SMCHD1: variants seen among roughly 807,000 people sequenced by gnomAD.
SMCHD1 encodes the protein structural maintenance of chromosomes flexible hinge domain-containing protein 1.
SMCHD1 carries 78 observed loss-of-function variants against 254.7 expected under a neutral mutation model. The ratio of observed to expected loss-of-function variants is 0.31; its 90% CI spans 0.26 to 0.37. The LOEUF is 0.37. Among genes scored for constraint, SMCHD1 ranks in the 10% least tolerant of loss-of-function variants. The pLI, the probability that SMCHD1 is intolerant of heterozygous loss-of-function variation, is 1.00. For synonymous variants in SMCHD1, 766 were observed against 794.9 expected (o/e 0.96, Z 0.61); for missense variants, 1,840 against 2,408.1 (o/e 0.76, Z 4.94).
chr18:2,786,497 G>T (rs988861472), intron 45 of SMCHD1, among the ~76,000 whole-genome samples: 1 of 151,974 alleles, frequency 6.6e-6, no homozygotes. Flanking sequence ...TTCAAGACTA[G>T]CCCGGCCAAC....
chr18:2,739,582 TG>T, intron 27 of SMCHD1, 62 bp downstream of exon 27: 1 of 1,340,272 alleles, frequency 7.5e-7, no homozygotes, highest in Non-Finnish European at 1.1e-6. Context: ...TTTCCTTCCA[TG>T]GATGTTTTAG....
intron 34 of SMCHD1, among the ~76,000 whole-genome samples, chr18:2,756,952 T>G (rs2075692995): frequency 6.6e-6 from 1 of 152,216 alleles, no homozygotes; most frequent in South Asian, 2.1e-4. Flanking sequence ...TTTCAATTTT[T>G]TAGATCTTTT....
intron 1 of SMCHD1, among the ~76,000 whole-genome samples, chr18:2,663,815 C>G (rs548743856): frequency 4.6e-5 from 7 of 151,842 alleles, no homozygotes; most frequent in Non-Finnish European, 1.0e-4. Flanking sequence ...CCCGGGTTCA[C>G]GCCATTCTCC....
chr18:2,716,783 C>T (rs1331742853), intron 17 of SMCHD1, among the ~76,000 whole-genome samples: 1 of 152,188 alleles, frequency 6.6e-6, no homozygotes, highest in Non-Finnish European at 1.5e-5. Flanking sequence ...TGGTTGGATT[C>T]CCTCCTACCA....
chr18:2,664,907 A>C (rs902324117), intron 1 of SMCHD1, among the ~76,000 whole-genome samples: 27 of 152,152 alleles, frequency 1.8e-4, no homozygotes, highest in African/African-American at 6.0e-4. Flanking sequence ...CTTTCCCTTT[A>C]ATTTGTCAGT....
intron 37 of SMCHD1, among the ~76,000 whole-genome samples, chr18:2,765,359 T>A (rs1407054961): frequency 1.3e-5 from 2 of 152,234 alleles, no homozygotes; most frequent in African/African-American, 4.8e-5. Context: ...ACAGTACTAA[T>A]AGATATGAAA....
chr18:2,787,974 C>T (rs571771414), intron 45 of SMCHD1, among the ~76,000 whole-genome samples: 16 of 152,176 alleles, frequency 1.1e-4, no homozygotes, highest in African/African-American at 3.9e-4. Context: ...ATACCTTCAC[C>T]CTAAAGTTTT....
chr18:2,768,513 A>G (rs916251730), intron 37 of SMCHD1, among the ~76,000 whole-genome samples: 1 of 151,932 alleles, frequency 6.6e-6, no homozygotes, highest in African/African-American at 2.4e-5. Flanking sequence ...TTGCAGAGAA[A>G]CATTTGGAGA....
intron 8 of SMCHD1, 39 bp from the exon 9 acceptor site, chr18:2,696,993 T>G (rs1338219487): frequency 3.3e-6 from 3 of 910,158 alleles, no homozygotes; most frequent in Non-Finnish European, 3.3e-6. Flanking sequence ...TATAATTTTA[T>G]GTGAATTAAA....
intron 13 of SMCHD1, 135 bp downstream of exon 13, chr18:2,704,021 C>T: frequency 1.6e-6 from 1 of 623,368 alleles, no homozygotes; most frequent in Non-Finnish European, 2.6e-6. Context: ...TCATGAAGAA[C>T]ATTTATTCAG....
At chr18:2,784,982 G>C in intron 45 of SMCHD1, 1 of 357,170 alleles carries the variant, frequency 2.8e-6, no homozygotes, top group Non-Finnish European at 5.3e-6. Context: ...TGTCATTATT[G>C]AATAAGTCAG....
Position 2,750,060 on chromosome 18 carries a change from A to C in SMCHD1, c.3945A>C (p.Gln1315His). Residue 1315 changes from glutamine (Q) to histidine (H), a missense_variant, in exon 31 of 48, where the codon CAA (glutamine) becomes CAC (histidine). Physicochemically the swap from Gln to His is conservative, Grantham distance 24. Coordinates refer to ENST00000320876, the MANE Select transcript of SMCHD1 (RefSeq NM_015295.3). The part of the protein sequence containing the change: ...ASNLKLMPSN[Q>H]QHKTDEKGRA... ...GTTTTTAGCTCATGCCTTCAAACCA[A>C]CAGCATAAAACAGATGAGAAAGGCA... The C allele has an allele frequency of 6.4e-7, 1 of 1,568,764 alleles. No individual in the cohort carries two copies. Among genetic ancestry groups the C allele is most frequent in the African/African-American group, 1.3e-5 (1 of 74,200 alleles).
intron 42 of SMCHD1, among the ~76,000 whole-genome samples, chr18:2,776,230 T>A (rs2076064322): frequency 6.6e-6 from 1 of 152,142 alleles, no homozygotes. Context: ...TTTTTAAATT[T>A]TTTAATTTTT....
intron 28 of SMCHD1, 90 bp downstream of exon 28, chr18:2,740,911 G>A: frequency 1.4e-6 from 1 of 716,492 alleles, no homozygotes; most frequent in Non-Finnish European, 2.3e-6. Context: ...TAAGAAAAAA[G>A]TTTGATTTTA....
At chr18:2,671,908 C>G (rs2073618238) in intron 3 of SMCHD1, among the ~76,000 whole-genome samples, 1 of 151,952 alleles carries the variant, frequency 6.6e-6, no homozygotes, top group Non-Finnish European at 1.5e-5. Flanking sequence ...TTGATCTTTT[C>G]TTTTTATACT....
intron 35 of SMCHD1, among the ~76,000 whole-genome samples, chr18:2,761,242 T>G (rs2075777883): frequency 6.6e-6 from 1 of 152,036 alleles, no homozygotes; most frequent in African/African-American, 2.4e-5. Context: ...ATGGGAACAG[T>G]AAACGCTGGG....
intron 45 of SMCHD1, among the ~76,000 whole-genome samples, chr18:2,786,704 A>G (rs2076246241): frequency 6.6e-6 from 1 of 152,042 alleles, no homozygotes; most frequent in African/African-American, 2.4e-5. Flanking sequence ...AAAAAAGAAA[A>G]AGAAACACCA....
At chr18:2,743,959 T>C in intron 29 of SMCHD1, 31 bp downstream of exon 29, 2 of 1,538,642 alleles carry the variant, frequency 1.3e-6, no homozygotes, top group Non-Finnish European at 1.8e-6. Flanking sequence ...ACTGAAAGAA[T>C]TTAATATCAT....
intron 38 of SMCHD1, 23 bp from the exon 39 acceptor site, chr18:2,769,966 A>G (rs1310317932): frequency 2.6e-6 from 4 of 1,565,816 alleles, no homozygotes; most frequent in Admixed American, 2.1e-5. Context: ...AATTATTTAA[A>G]TTATCTCAAT....
Sources: allele counts gnomAD v4.1 joint callset (sites outside exome capture counted in the v4.1 genomes callset), GRCh38; gene constraint gnomAD v4.1.1; transcripts MANE v1.5; gene names NCBI Gene and HGNC (gene_info 2026-07-23, HGNC 2026-07-21).